Variants in TMLHE observed in about 807,000 individuals in gnomAD.
TMLHE encodes the protein trimethyllysine dioxygenase, mitochondrial.
A neutral mutation model predicts 25.7 loss-of-function variants in TMLHE; 18 were observed. The observed-to-expected ratio is 0.70, with a 90% CI of 0.48 to 1.04. The LOEUF (loss-of-function observed/expected upper bound fraction) is 1.04, where lower values mean the gene tolerates loss of function less well. Among genes scored for constraint, TMLHE ranks in the 50% least tolerant of loss-of-function variants. The probability of loss-of-function intolerance (pLI) is 0.00; values close to 1 mark genes in which losing one functional copy is unlikely to be tolerated. For missense variants in TMLHE, 236 were observed against 259.0 expected (o/e 0.91, Z 0.61); for synonymous variants, 105 against 97.0 (o/e 1.08, Z -0.49).
intron 1 of TMLHE, among the ~76,000 whole-genome samples, chrX:155,596,144 A>G (rs1311646986): frequency 5.3e-5 from 6 of 112,161 alleles, no homozygotes; most frequent in Non-Finnish European, 1.1e-4. Context: ...GTTTATGATC[A>G]GGATTTTCCT....
chrX:155,610,136 G>T (rs2067810391), intron 1 of TMLHE, among the ~76,000 whole-genome samples: 1 of 112,327 alleles, frequency 8.9e-6, no homozygotes, highest in Non-Finnish European at 1.9e-5. Flanking sequence ...AACAATCCAA[G>T]TGTTCATCAA....
At position 155,524,629 on chromosome X, in the gene TMLHE, A is replaced by C; in HGVS notation, c.185T>G (p.Leu62Arg). Residue 62 changes from leucine to arginine, a missense_variant, in exon 3 of 8, where the codon CTG (leucine) becomes CGG (arginine). Physicochemically the swap from Leu to Arg is moderately radical, Grantham distance 102. This residue lies in a region of TMLHE where 217 missense variants were observed against 214.6 expected (regional missense o/e 1.01). Coordinates refer to ENST00000334398, the MANE Select transcript of TMLHE (RefSeq NM_018196.4). ...GCGCATCACGGTATTAGCATATTTC[A>C]GCTCTAGGGAAAAGATCACATTTAT... Reference protein sequence around the residue: ...AWQQHEDHFELKYANTVMRFD... With the variant: ...AWQQHEDHFERKYANTVMRFD... 1 of 1,167,226 alleles carries C rather than the reference A, an allele frequency of 8.6e-7. No homozygotes were observed. Among genetic ancestry groups the C allele is most frequent in the Non-Finnish European group, 1.1e-6 (1 of 872,471 alleles).
chrX:155,505,579 C>A (rs782304811), intron 6 of TMLHE, among the ~76,000 whole-genome samples: 1 of 111,626 alleles, frequency 9.0e-6, no homozygotes. Flanking sequence ...TGAACTCCTT[C>A]TGATTACAAA....
intron 1 of TMLHE, among the ~76,000 whole-genome samples, chrX:155,555,166 T>C (rs2067441705): frequency 1.4e-5 from 1 of 73,044 alleles, no homozygotes; most frequent in Admixed American, 1.6e-4. Flanking sequence ...TTGCTGAGAA[T>C]GGTTTCCAGC....
rs182993774 is a variant in TMLHE, at chrX:155,548,562, T to C, written c.-1-3285A>G. Among the ~76,000 whole-genome samples, 573 of 106,968 alleles carry C rather than the reference T, an allele frequency of 5.4e-3. 2 individuals carry two copies. Among genetic ancestry groups the C allele is most frequent in the South Asian group, 0.023 (58 of 2,521 alleles). The allele number at this position is 106,968 out of a possible 115,157, so 92.9% of individuals were successfully genotyped here. ...CAGCCTGACTAACATGGTGAAACCC[T>C]GTCTCTACTAAAAAATACAAAAATT... On this transcript the variant is annotated intron_variant, in intron 1 of 7. Transcript: ENST00000334398.
chrX:155,599,160 T>TA (rs1557346940), intron 1 of TMLHE, among the ~76,000 whole-genome samples: 2 of 111,958 alleles, frequency 1.8e-5, no homozygotes, highest in African/African-American at 6.5e-5. Context: ...TTTGGGGGAA[T>TA]AAAAAATTAC....
At chrX:155,547,768 C>G (rs1029282440) in intron 1 of TMLHE, among the ~76,000 whole-genome samples, 3 of 109,368 alleles carry the variant, frequency 2.7e-5, no homozygotes, top group Admixed American at 1.9e-4. Context: ...ATCCACACAA[C>G]CCTGAAATAT....
At chrX:155,530,430 G>A (rs2067243273) in intron 2 of TMLHE, among the ~76,000 whole-genome samples, 1 of 21,939 alleles carries the variant, frequency 4.6e-5, no homozygotes. Context: ...AGGGGCATGA[G>A]GCTAAGGACA....
At chrX:155,508,517 T>C (rs1390131821) in intron 5 of TMLHE, among the ~76,000 whole-genome samples, 1 of 110,608 alleles carries the variant, frequency 9.0e-6, no homozygotes, top group Non-Finnish European at 1.9e-5. Flanking sequence ...GAAGAGGTCG[T>C]TTGGAGAGAT....
chrX:155,548,502 A>G (rs190894371), intron 1 of TMLHE, among the ~76,000 whole-genome samples: 1,672 of 108,579 alleles, frequency 0.015, 26 homozygotes, highest in South Asian at 0.06. Flanking sequence ...TTGGGAGGTC[A>G]AGGCGGGCGG....
chrX:155,508,144 CA>C (rs1263052962), intron 5 of TMLHE, among the ~76,000 whole-genome samples: 1 of 110,757 alleles, frequency 9.0e-6, no homozygotes, highest in Non-Finnish European at 1.9e-5. Context: ...CATGTTAGAA[CA>C]GCTAATCATA....
chrX:155,582,278 A>T (rs1362433697), intron 1 of TMLHE, among the ~76,000 whole-genome samples: 54 of 112,332 alleles, frequency 4.8e-4, no homozygotes, highest in Non-Finnish European at 9.2e-4. Context: ...GGACTTCATG[A>T]CTAAAACACC....
rs2067080530 is a variant in TMLHE, at chrX:155,507,089, C to T, written c.804G>A (p.Arg268=). The T allele has an allele frequency of 1.7e-6, 2 of 1,209,480 alleles. No individual in the cohort carries two copies. The highest frequency in any genetic ancestry group is 1.8e-5 in the South Asian group (1 of 56,861). Residue 268 remains arginine (R), a synonymous_variant, in exon 6 of 8, where the codon AGG becomes AGA. Coordinates refer to ENST00000334398, the MANE Select transcript of TMLHE (RefSeq NM_018196.4). Reference sequence around the variant, plus strand: ...CATAGAATCCATCTACTAGCAGTGTCCTGCCACCAGTTCCTTCATGTTTAA... The same window carrying T: ...CATAGAATCCATCTACTAGCAGTGTTCTGCCACCAGTTCCTTCATGTTTAA... ...HCLKHEGTGG[R]TLLVDGFYAA... is the part of the protein sequence containing the mutation.
At chrX:155,557,261 T>C (rs947736654) in intron 1 of TMLHE, among the ~76,000 whole-genome samples, 2 of 112,185 alleles carry the variant, frequency 1.8e-5, no homozygotes, top group Admixed American at 9.4e-5. Flanking sequence ...TGTTTAGAGA[T>C]TGCAGTAAAG....
intron 1 of TMLHE, among the ~76,000 whole-genome samples, chrX:155,548,554 T>C (rs190810771): frequency 7.5e-5 from 8 of 107,032 alleles, no homozygotes; most frequent in Admixed American, 3.9e-4. Context: ...ACTAACATGG[T>C]GAAACCCTGT....
intron 1 of TMLHE, among the ~76,000 whole-genome samples, chrX:155,596,753 C>T (rs186247073): frequency 4.7e-4 from 52 of 111,622 alleles, no homozygotes; most frequent in African/African-American, 1.0e-3. Context: ...TGTCAGTTCC[C>T]CAATCTTTTG....
intron 1 of TMLHE, among the ~76,000 whole-genome samples, chrX:155,597,950 C>T (rs1410438905): frequency 1.8e-5 from 2 of 110,815 alleles, no homozygotes; most frequent in African/African-American, 6.6e-5. Context: ...CATAAAGCCC[C>T]AAACAATAAA....
chrX:155,581,261 C>A (rs2067626049), intron 1 of TMLHE, among the ~76,000 whole-genome samples: 2 of 111,381 alleles, frequency 1.8e-5, no homozygotes, highest in African/African-American at 3.3e-5. Flanking sequence ...TGAAAACTGG[C>A]ACAAGACAGG....
intron 1 of TMLHE, among the ~76,000 whole-genome samples, chrX:155,575,748 A>C (rs2067585491): frequency 8.9e-6 from 1 of 112,556 alleles, no homozygotes; most frequent in African/African-American, 3.2e-5. Context: ...AACTAAAAAC[A>C]AAAACTACAT....
Sources: allele counts gnomAD v4.1 joint callset (sites outside exome capture counted in the v4.1 genomes callset), GRCh38; gene constraint gnomAD v4.1.1; regional missense constraint gnomAD v4.1.1; transcripts MANE v1.5; gene names NCBI Gene and HGNC (gene_info 2026-07-23, HGNC 2026-07-21).